The following VXN variants were observed in gnomAD, a reference collection of about 807,000 sequenced individuals.
VXN encodes vexin, also known as uncharacterized protein C8orf46.
In VXN, 7 loss-of-function variants were observed where a neutral mutation model predicts 23.1. The ratio of observed to expected loss-of-function variants is 0.30; its 90% CI spans 0.17 to 0.57. The LOEUF (loss-of-function observed/expected upper bound fraction) is 0.57, where lower values mean the gene tolerates loss of function less well. Among genes scored for constraint, VXN ranks in the 20% least tolerant of loss-of-function variants. The pLI is 0.91. For missense variants in VXN, 238 were observed against 272.6 expected (o/e 0.87, Z 0.89); for synonymous variants, 120 against 105.8 (o/e 1.13, Z -0.83).
chr8:66,502,328 G>A (rs1022218690), intron 2 of VXN, among the ~76,000 whole-genome samples: 21 of 152,166 alleles, frequency 1.4e-4, no homozygotes, highest in Admixed American at 3.3e-4. Flanking sequence ...AAGATTCGTG[G>A]CCCCTTCAGA....
intron 2 of VXN, among the ~76,000 whole-genome samples, chr8:66,502,703 T>C (rs1807704771): frequency 1.3e-5 from 2 of 151,990 alleles, no homozygotes; most frequent in South Asian, 2.1e-4. Context: ...GCCAAGATCA[T>C]GCCACACTGC....
chr8:66,513,811 C>A, intron 5 of VXN, 174 bp downstream of exon 5: 1 of 564,860 alleles, frequency 1.8e-6, no homozygotes, highest in Non-Finnish European at 3.1e-6. Flanking sequence ...TCTGCAGCGC[C>A]TCATCAACTG....
At position 66,516,306 on chromosome 8, in the gene VXN, C is replaced by G; in HGVS notation, c.*230C>G. 1 of 365,884 alleles carries G rather than the reference C, an allele frequency of 2.7e-6. No individual in the cohort carries two copies. Among genetic ancestry groups the G allele is most frequent in the Non-Finnish European group, 4.8e-6 (1 of 206,802 alleles). The allele number at this position is 365,884 out of a possible 1,614,324, so 22.7% of individuals were successfully genotyped here. A position where few individuals can be genotyped will look rare whatever the true frequency, so the allele number is the denominator to read the frequency against. On this transcript the variant is annotated 3_prime_UTR_variant, in exon 6 of 6. Transcript: ENST00000305454. ...GCTAAAGCCATTGGTCTGAAAGTGA[C>G]TTTGGGAGGTCATAAAGTTTGTATC...
At chr8:66,515,753 A>T in intron 5 of VXN, 140 bp from the exon 6 acceptor site, 2 of 700,884 alleles carry the variant, frequency 2.9e-6, no homozygotes, top group East Asian at 2.9e-5. Flanking sequence ...GGGTCCCAAC[A>T]GTGACCTTAC....
Position 66,505,515 on chromosome 8 carries a change from C to A in VXN, c.267C>A (p.Ala89=). Residue 89 remains alanine (A), a synonymous_variant, in exon 3 of 6, where the codon GCC becomes GCA. Coordinates refer to ENST00000305454, the MANE Select transcript of VXN (RefSeq NM_152765.4). ...ARPPTAHPAK[A]SARPVGISEP... ...CGCCCACAGCCCACCCGGCCAAAGC[C>A]TCTGCCAGACCCGGTACGTGAGTCC... The A allele has an allele frequency of 6.5e-7, 1 of 1,530,816 alleles. No homozygotes were observed. The allele number at this position is 1,530,816 out of a possible 1,614,324, so 94.8% of individuals were successfully genotyped here. A position where few individuals can be genotyped will look rare whatever the true frequency, so the allele number is the denominator to read the frequency against.
intron 2 of VXN, among the ~76,000 whole-genome samples, chr8:66,502,851 CTT>C (rs11303110): frequency 1.1e-3 from 154 of 146,086 alleles, no homozygotes; most frequent in Middle Eastern, 3.6e-3. Context: ...GTTCTTCTTC[CTT>C]TTTTTTTTTT....
chr8:66,497,883 G>A (rs1359160019), intron 2 of VXN, among the ~76,000 whole-genome samples: 4 of 151,746 alleles, frequency 2.6e-5, no homozygotes, highest in African/African-American at 9.7e-5. Flanking sequence ...AAATTAGCCA[G>A]GCGGCCAGGC....
intron 2 of VXN, chr8:66,505,159 A>T: frequency 1.4e-6 from 1 of 716,586 alleles, no homozygotes; most frequent in Non-Finnish European, 2.5e-6. Flanking sequence ...TGCTTGCCCC[A>T]TGGCACCATT....
intron 4 of VXN, among the ~76,000 whole-genome samples, chr8:66,511,462 G>A (rs1198987308): frequency 6.6e-6 from 1 of 152,196 alleles, no homozygotes; most frequent in Admixed American, 6.5e-5. Context: ...ACTATTCTAG[G>A]AAAGCCACAC....
chr8:66,505,123 C>A (rs987045584), intron 2 of VXN: 18 of 621,738 alleles, frequency 2.9e-5, no homozygotes, highest in African/African-American at 1.1e-4. Flanking sequence ...TTGAGGAACA[C>A]CCCTGCCCGC....
chr8:66,515,878 C>A lies in VXN; in HGVS notation c.441-15C>A, dbSNP rs749805180. On this transcript the variant is annotated splice_polypyrimidine_tract_variant and intron_variant, in intron 5 of 5. Transcript: ENST00000305454. ...AGCAGACCACCCTCCCCACCCACTC[C>A]TGGCTTTTCTTTAGATCCAGACATC... 3.2e-6 allele frequency: 5 copies of A among 1,560,954 alleles called. No individual in the cohort carries two copies. Among genetic ancestry groups the A allele is most frequent in the Non-Finnish European group, 4.3e-6 (5 of 1,154,000 alleles).
chr8:66,511,294 C>T (rs531802998), intron 4 of VXN, among the ~76,000 whole-genome samples: 40 of 152,296 alleles, frequency 2.6e-4, no homozygotes, highest in African/African-American at 7.2e-4. Context: ...TTTGAGTATC[C>T]GCTGTCAAGA....
At chr8:66,497,443 A>C (rs1807639313) in intron 2 of VXN, among the ~76,000 whole-genome samples, 1 of 152,210 alleles carries the variant, frequency 6.6e-6, no homozygotes, top group African/African-American at 2.4e-5. Flanking sequence ...TACCACCAAC[A>C]TCACCAGCAT....
intron 2 of VXN, chr8:66,501,091 G>T (rs1807686787): frequency 6.6e-6 from 1 of 151,920 alleles, no homozygotes; most frequent in Admixed American, 6.6e-5. Context: ...GGTCAGGCTG[G>T]TCCCAAACTC....
intron 2 of VXN, among the ~76,000 whole-genome samples, chr8:66,497,032 A>G (rs2130541121): frequency 6.6e-6 from 1 of 152,162 alleles, no homozygotes. Context: ...CTACAGGCGC[A>G]CGCCAGCACG....
intron 5 of VXN, chr8:66,514,303 G>A (rs974681389): frequency 2.6e-5 from 4 of 152,248 alleles, no homozygotes; most frequent in Admixed American, 1.3e-4. Flanking sequence ...GCCTGGAACT[G>A]CCACCAACCC....
At chr8:66,506,207 CAG>C (rs150065293) in intron 3 of VXN, among the ~76,000 whole-genome samples, 663 of 139,010 alleles carry the variant, frequency 4.8e-3, no homozygotes, top group East Asian at 7.0e-3. Context: ...ATTTATTTAA[CAG>C]AGAGAGAGAG....
chr8:66,498,895 G>A (rs954934716), intron 2 of VXN: 1 of 451,046 alleles, frequency 2.2e-6, no homozygotes, highest in African/African-American at 2.0e-5. Flanking sequence ...CAAATCCTGA[G>A]AAGCTGCAGA....
chr8:66,501,274 C>T (rs1171469038), intron 2 of VXN: 1 of 152,172 alleles, frequency 6.6e-6, no homozygotes, highest in Non-Finnish European at 1.5e-5. Context: ...TTCTCTGTAT[C>T]ATTTCAATTT....
Sources: gnomAD v4.1 joint callset for allele counts (sites outside exome capture counted in the v4.1 genomes callset) on GRCh38, gnomAD v4.1.1 for gene constraint, MANE v1.5 for transcripts, NCBI Gene and HGNC (gene_info 2026-07-23, HGNC 2026-07-21) for gene names.